The following RIMBP2 variants were observed in gnomAD, a reference collection of about 807,000 sequenced individuals.
RIMBP2 encodes RIMS binding protein 2.
Under a neutral mutation model 118.6 loss-of-function variants are expected in RIMBP2, and 48 were observed. The ratio of observed to expected loss-of-function variants is 0.40; its 90% CI spans 0.32 to 0.51. The LOEUF (loss-of-function observed/expected upper bound fraction) is 0.51, where lower values mean the gene tolerates loss of function less well. Ranked by LOEUF, RIMBP2 falls within the 20% of genes least tolerant of loss-of-function variation. The pLI is 0.41. For missense variants in RIMBP2, 1,551 were observed against 1,768.3 expected, an observed-to-expected ratio of 0.88 and a Z score of 2.20; for synonymous variants, 762 against 742.9, an observed-to-expected ratio of 1.03 and a Z score of -0.42.
chr12:130,676,367 G>GT (rs1477386783), intron 1 of RIMBP2, among the ~76,000 whole-genome samples: 5 of 149,974 alleles, frequency 3.3e-5, no homozygotes, highest in African/African-American at 1.2e-4. Context: ...GCTCACGCCT[G>GT]TAACACCAGC....
At chr12:130,661,384 G>A (rs7978085) in intron 1 of RIMBP2, among the ~76,000 whole-genome samples, 82,051 of 151,600 alleles carry the variant, frequency 0.54, 22,797 homozygotes, top group Non-Finnish European at 0.62. Flanking sequence ...CATTGTTGTG[G>A]GAGTTATACA....
chr12:130,447,329 G>A lies in RIMBP2; in HGVS notation c.582-2060C>T, dbSNP rs1051860202. Among the ~76,000 whole-genome samples, 24 of 152,090 alleles carry A rather than the reference G, an allele frequency of 1.6e-4. No individual in the cohort carries two copies. Among genetic ancestry groups the A allele is most frequent in the African/African-American group, 5.1e-4 (21 of 41,494 alleles). On this transcript the variant is annotated intron_variant, in intron 9 of 22. Transcript: ENST00000690449. The surrounding 1 kb of genome is among the most constrained non-coding windows in gnomAD (Gnocchi z 4.4). ...CTACGGCTGTCGTGACAACCTCGTC[G>A]GTGCTCCTGCGTGTGGGCCCTGGAG...
chr12:130,645,437 A>C (rs543545823), intron 1 of RIMBP2, among the ~76,000 whole-genome samples: 1 of 152,202 alleles, frequency 6.6e-6, no homozygotes, highest in Non-Finnish European at 1.5e-5. Context: ...CAGGCCCCTG[A>C]AGTTCACTGC....
At chr12:130,449,845 G>T (rs1307013681) in intron 9 of RIMBP2, among the ~76,000 whole-genome samples, 1 of 152,040 alleles carries the variant, frequency 6.6e-6, no homozygotes, top group South Asian at 2.1e-4. Context: ...AGCCAGGGCC[G>T]CCTGGTCTCC....
At position 130,424,502 on chromosome 12, in the gene RIMBP2, A is replaced by C; in HGVS notation, c.2769T>G (p.Cys923Trp). Residue 923 changes from cysteine (C) to tryptophan (W), a missense_variant, in exon 16 of 23, where the codon TGT (cysteine) becomes TGG (tryptophan). Physicochemically the swap from Cys to Trp is radical, Grantham distance 215. Transcript: ENST00000690449. The surrounding 1 kb of genome is among the most constrained non-coding windows in gnomAD (Gnocchi z 9.8). ...ATRSPDSGLD[C>W]GSEEDESRFG... is the part of the protein sequence containing the mutation. ...ACCGCGACTCGTCCTCTTCACTCCC[A>C]CAGTCCAGGCCGCTGTCCGGGCTCC... The C allele has an allele frequency of 1.6e-6, 2 of 1,231,892 alleles. No homozygotes were observed. The highest frequency in any genetic ancestry group is 2.0e-6 in the Non-Finnish European group (2 of 987,812). 76.3% of individuals were successfully genotyped at this position (1,231,892 alleles called of 1,614,324 possible).
At chr12:130,631,625 A>G (rs956745979) in intron 1 of RIMBP2, among the ~76,000 whole-genome samples, 1 of 151,852 alleles carries the variant, frequency 6.6e-6, no homozygotes, top group Admixed American at 6.6e-5. Flanking sequence ...AGAACCACTT[A>G]TCTACCACCC....
chr12:130,432,505 C>G (rs1345494213), intron 14 of RIMBP2, among the ~76,000 whole-genome samples: 1 of 152,068 alleles, frequency 6.6e-6, no homozygotes, highest in African/African-American at 2.4e-5. Flanking sequence ...GAAGTTGAAA[C>G]CTTAACCCCC....
chr12:130,694,582 C>T (rs1160497018), intron 1 of RIMBP2, among the ~76,000 whole-genome samples: 1 of 152,192 alleles, frequency 6.6e-6, no homozygotes, highest in African/African-American at 2.4e-5. Flanking sequence ...GGACTGCTCC[C>T]CTTCCTGGAA....
In RIMBP2 at chr12:130,446,023, C is replaced by G. The variant is rs1053635726; in HGVS notation, c.582-754G>C. 6.7e-6 allele frequency among the ~76,000 whole-genome samples: 1 copy of G among 149,380 alleles called. No individual in the cohort carries two copies. The highest frequency in any genetic ancestry group is 2.5e-5 in the African/African-American group (1 of 40,750). On this transcript the variant is annotated intron_variant, in intron 9 of 22. Transcript: ENST00000690449. This position sits in a 1 kb window ranked among gnomAD's most constrained non-coding sequence, Gnocchi z 4.1. ...AACAGACGCATGATTTTATGCTCCC[C>G]CCCCCCACACCCCCAGGAATATAAG...
chr12:130,507,416 C>G (rs1367011841), intron 3 of RIMBP2, among the ~76,000 whole-genome samples: 1 of 152,218 alleles, frequency 6.6e-6, no homozygotes, highest in African/African-American at 2.4e-5. Flanking sequence ...AATCGTCTGT[C>G]CCCTGTAACT....
Position 130,483,844 on chromosome 12 carries a change from C to T in RIMBP2, c.-3-4828G>A, listed in dbSNP as rs184495335. 9.4e-4 allele frequency among the ~76,000 whole-genome samples: 138 copies of T among 147,238 alleles called. 1 individual carries two copies. Among genetic ancestry groups the T allele is most frequent in the Admixed American group, 6.8e-3 (100 of 14,704 alleles). ...CCCGGAGCCCCGACCCTCACCTACA[C>T]ACGGTGCCCGGAGCCCCCACCCTCA... On this transcript the variant is annotated intron_variant, in intron 4 of 22. Transcript: ENST00000690449.
intron 2 of RIMBP2, among the ~76,000 whole-genome samples, chr12:130,614,651 G>T (rs752861622): frequency 3.3e-5 from 5 of 151,950 alleles, no homozygotes; most frequent in African/African-American, 1.2e-4. Flanking sequence ...TAGCAGTGAC[G>T]GGGCAAAGAA....
chr12:130,639,401 A>C (rs2062504706), intron 1 of RIMBP2, among the ~76,000 whole-genome samples: 1 of 96,834 alleles, frequency 1.0e-5, no homozygotes, highest in Non-Finnish European at 2.1e-5. Context: ...AAAAAAATCT[A>C]TTGGCCAGGT....
rs1196751965 is a variant in RIMBP2 at position 130,437,151 on chromosome 12, G to A, written c.1797C>T (p.Pro599=). 6.3e-7 allele frequency: 1 copy of A among 1,586,858 alleles called. No individual in the cohort carries two copies. Among genetic ancestry groups the A allele is most frequent in the Admixed American group, 1.8e-5 (1 of 56,302 alleles). The part of the protein sequence containing the change: ...ESVDSAVAAV[P]PELLVPPTPH... ...GGGTAGGAGGCACCAGGAGCTCGGG[G>A]GGAACGGCAGCAACTGCAGAGTCCA... Residue 599 remains proline, a synonymous_variant, in exon 13 of 23, where the codon CCC becomes CCT. Transcript: ENST00000690449.
chr12:130,439,882 GGTATGT>G (rs1425884887), intron 11 of RIMBP2, among the ~76,000 whole-genome samples: 30 of 139,638 alleles, frequency 2.1e-4, no homozygotes, highest in African/African-American at 6.7e-4. Context: ...TGTGTATGTG[GGTATGT>G]GTATGTGTAT....
intron 4 of RIMBP2, among the ~76,000 whole-genome samples, chr12:130,497,887 G>A (rs754709720): frequency 4.7e-4 from 71 of 152,338 alleles, no homozygotes; most frequent in Non-Finnish European, 8.8e-4. Flanking sequence ...CAAGGAGTGC[G>A]CGGTGGGGAG....
chr12:130,616,738 C>T (rs2060964289), intron 2 of RIMBP2, among the ~76,000 whole-genome samples: 1 of 152,180 alleles, frequency 6.6e-6, no homozygotes, highest in Non-Finnish European at 1.5e-5. Flanking sequence ...GGGGTCAGCA[C>T]AGTGCTCTGG....
chr12:130,433,242 G>C (rs181069826), intron 14 of RIMBP2, among the ~76,000 whole-genome samples: 23 of 152,310 alleles, frequency 1.5e-4, no homozygotes, highest in Non-Finnish European at 4.4e-5. Flanking sequence ...TTGAGTCGTG[G>C]GGTTTACCTT....
At chr12:130,630,706 T>C (rs1369762765) in intron 1 of RIMBP2, among the ~76,000 whole-genome samples, 1 of 151,938 alleles carries the variant, frequency 6.6e-6, no homozygotes. Flanking sequence ...GGTGGAATTT[T>C]AAAAAGGAAA....
Sources: gnomAD v4.1 joint callset for allele counts (sites outside exome capture counted in the v4.1 genomes callset) on GRCh38, gnomAD v4.1.1 for gene constraint, Gnocchi (gnomAD v3.1) non-coding constraint, MANE v1.5 for transcripts, NCBI Gene and HGNC (gene_info 2026-07-23, HGNC 2026-07-21) for gene names.